NEXMIF: variants seen among roughly 807,000 people sequenced by gnomAD.
NEXMIF encodes neurite extension and migration factor.
Under a neutral mutation model 62.1 loss-of-function variants are expected in NEXMIF, and 8 were observed. The observed-to-expected ratio is 0.13, with a 90% CI of 0.08 to 0.23. NEXMIF has a LOEUF of 0.23. NEXMIF is among the 10% of genes least tolerant of loss of function. NEXMIF has a pLI of 1.00. For synonymous variants in NEXMIF, 404 were observed against 416.6 expected (o/e 0.97, Z 0.37); for missense variants, 976 against 1,113.3 (o/e 0.88, Z 1.75).
chrX:74,820,843 A>G (rs934344346), intron 1 of NEXMIF, among the ~76,000 whole-genome samples: 2 of 111,050 alleles, frequency 1.8e-5, no homozygotes, highest in Non-Finnish European at 3.8e-5. Context: ...GACGGGAACA[A>G]TGGACACTGG....
chrX:74,825,716 G>T (rs1339175458), intron 1 of NEXMIF, among the ~76,000 whole-genome samples: 1 of 111,712 alleles, frequency 9.0e-6, no homozygotes, highest in Non-Finnish European at 1.9e-5. Flanking sequence ...CATCATGTCT[G>T]GCTAATTTTT....
intron 1 of NEXMIF, among the ~76,000 whole-genome samples, chrX:74,790,537 A>T (rs1213821112): frequency 9.0e-6 from 1 of 111,285 alleles, no homozygotes; most frequent in East Asian, 2.8e-4. Context: ...CTTGATGGGG[A>T]TGGCATTGAA....
At chrX:74,814,191 A>G (rs2080368919) in intron 1 of NEXMIF, among the ~76,000 whole-genome samples, 1 of 111,880 alleles carries the variant, frequency 8.9e-6, no homozygotes, top group African/African-American at 3.2e-5. Context: ...TTTTGCAGGT[A>G]GAAAAACTCT....
intron 1 of NEXMIF, among the ~76,000 whole-genome samples, chrX:74,830,709 G>T (rs1387667131): frequency 1.8e-5 from 2 of 111,616 alleles, no homozygotes; most frequent in African/African-American, 6.5e-5. Context: ...CCATTTTTTG[G>T]TGTCCTCTTC....
At chrX:74,924,275 G>C (rs1280890435) in intron 1 of NEXMIF, among the ~76,000 whole-genome samples, 1 of 111,980 alleles carries the variant, frequency 8.9e-6, no homozygotes, top group Non-Finnish European at 1.9e-5. Context: ...GCCACCGAGA[G>C]CGCGAAGGGG....
chrX:74,850,156 T>A (rs2080507850), intron 1 of NEXMIF, among the ~76,000 whole-genome samples: 1 of 111,635 alleles, frequency 9.0e-6, no homozygotes, highest in Non-Finnish European at 1.9e-5. Context: ...TGAGCACTTC[T>A]CCCAGGGGCC....
rs1382169116 is a variant in NEXMIF, at chrX:74,874,414, A to G, written c.-48+50469T>C. ...ACTGTAGCCTTGTAGTATAGTTTGAAGTCAGGTAGCGTGATGCCTCCAGCT... is the reference window on the plus strand; with the variant it reads ...ACTGTAGCCTTGTAGTATAGTTTGAGGTCAGGTAGCGTGATGCCTCCAGCT... On this transcript the variant is annotated intron_variant, in intron 1 of 3. Transcript: ENST00000055682. Among the ~76,000 whole-genome samples, 983 of 109,928 alleles carry G rather than the reference A, an allele frequency of 8.9e-3. 15 individuals carry two copies. The highest frequency in any genetic ancestry group is 0.031 in the African/African-American group (924 of 30,078).
intron 1 of NEXMIF, among the ~76,000 whole-genome samples, chrX:74,776,271 T>C (rs912943542): frequency 4.5e-5 from 5 of 111,881 alleles, no homozygotes; most frequent in African/African-American, 1.3e-4. Flanking sequence ...CAGCTCTCAT[T>C]ATCAATGCCT....
intron 1 of NEXMIF, among the ~76,000 whole-genome samples, chrX:74,914,676 G>A (rs1381392771): frequency 2.7e-5 from 3 of 111,357 alleles, no homozygotes; most frequent in Admixed American, 9.5e-5. Flanking sequence ...GAAAGTCTCC[G>A]CCCCACTCAA....
chrX:74,824,735 G>A (rs1348068037), intron 1 of NEXMIF, among the ~76,000 whole-genome samples: 9 of 107,826 alleles, frequency 8.3e-5, no homozygotes, highest in East Asian at 2.9e-4. Context: ...AGAAAGCTCC[G>A]CCTCCCGGAT....
chrX:74,880,856 C>T (rs1020252315), intron 1 of NEXMIF, among the ~76,000 whole-genome samples: 6 of 111,923 alleles, frequency 5.4e-5, no homozygotes, highest in African/African-American at 1.9e-4. Context: ...CTCCTTAGAT[C>T]CCTCACATTC....
rs113891603 is a variant in NEXMIF, at chrX:74,878,243, C to T, written c.-48+46640G>A. On this transcript the variant is annotated intron_variant, in intron 1 of 3. Transcript: ENST00000055682. The stretch of plus-strand genomic sequence containing the variant: ...TCAGCTGCAGGTCTGTTGGAGTACC[C>T]GGCCGTGTGAGGTATGAGTCTGCCC... 5.7e-3 allele frequency among the ~76,000 whole-genome samples: 637 copies of T among 111,585 alleles called. 2 individuals are homozygous for T. The highest frequency in any genetic ancestry group is 0.02 in the African/African-American group (611 of 30,678).
chrX:74,838,273 A>T (rs2080463520), intron 1 of NEXMIF, among the ~76,000 whole-genome samples: 1 of 111,736 alleles, frequency 8.9e-6, no homozygotes, highest in Non-Finnish European at 1.9e-5. Context: ...AACTACCCTG[A>T]ACTTGGGGAA....
At chrX:74,780,981 G>T (rs1307842000) in intron 1 of NEXMIF, among the ~76,000 whole-genome samples, 1 of 111,386 alleles carries the variant, frequency 9.0e-6, no homozygotes, top group African/African-American at 3.3e-5. Flanking sequence ...AAATATGAGT[G>T]ATTATCCTTA....
chrX:74,870,917 C>CA (rs2080598239), intron 1 of NEXMIF, among the ~76,000 whole-genome samples: 1 of 111,684 alleles, frequency 9.0e-6, no homozygotes, highest in Non-Finnish European at 1.9e-5. Flanking sequence ...GTAGGGTCCT[C>CA]AAAAAACTAA....
chrX:74,845,299 A>C (rs779222723), intron 1 of NEXMIF, among the ~76,000 whole-genome samples: 1 of 111,713 alleles, frequency 9.0e-6, no homozygotes, highest in South Asian at 3.8e-4. Flanking sequence ...TGTGTTGTTT[A>C]CCCTTTTTAG....
chrX:74,771,550 T>C (rs6647532), intron 1 of NEXMIF, among the ~76,000 whole-genome samples: 19,889 of 109,920 alleles, frequency 0.18, 2,548 homozygotes, highest in East Asian at 0.91. Flanking sequence ...ATAGTGAAAA[T>C]GATAATAATA....
chrX:74,813,543 T>A (rs2080367045), intron 1 of NEXMIF, among the ~76,000 whole-genome samples: 1 of 111,981 alleles, frequency 8.9e-6, no homozygotes, highest in Admixed American at 9.5e-5. Context: ...TTCAAGACAA[T>A]AAGCATCCTG....
chrX:74,797,018 C>T (rs76990610), intron 1 of NEXMIF, among the ~76,000 whole-genome samples: 4 of 111,776 alleles, frequency 3.6e-5, no homozygotes, highest in African/African-American at 1.3e-4. Flanking sequence ...CTATTATGTG[C>T]GCCTTGAAAT....
Sources: gnomAD v4.1 joint callset for allele counts (sites outside exome capture counted in the v4.1 genomes callset) on GRCh38, gnomAD v4.1.1 for gene constraint, MANE v1.5 for transcripts, NCBI Gene and HGNC (gene_info 2026-07-23, HGNC 2026-07-21) for gene names.